Variants in PMF1 observed in about 807,000 individuals in gnomAD.
PMF1 encodes the protein polyamine modulated factor 1.
PMF1 carries 21 observed loss-of-function variants against 26.7 expected under a neutral mutation model. The ratio of observed to expected loss-of-function variants is 0.79; its 90% CI spans 0.56 to 1.13. The LOEUF is 1.13. PMF1 is among the 50% of genes most tolerant of loss of function. The pLI is 0.00. For missense variants in PMF1, 266 were observed against 254.9 expected, an observed-to-expected ratio of 1.04 and a Z score of -0.30; for synonymous variants, 105 against 101.0, an observed-to-expected ratio of 1.04 and a Z score of -0.24.
chr1:156,216,735 GCT>G (rs1558188520), intron 1 of PMF1, among the ~76,000 whole-genome samples: 2,207 of 152,022 alleles, frequency 0.015, 59 homozygotes, highest in African/African-American at 0.05. Flanking sequence ...CACCCCACTG[GCT>G]CCGTGCCGTG....
intron 1 of PMF1, among the ~76,000 whole-genome samples, chr1:156,220,019 A>C (rs1237666473): frequency 6.9e-6 from 1 of 145,070 alleles, no homozygotes; most frequent in Admixed American, 7.0e-5. Flanking sequence ...GCTGGAGTGC[A>C]GTGGCGCTGT....
intron 3 of PMF1, among the ~76,000 whole-genome samples, chr1:156,235,598 T>C (rs552946850): frequency 1.3e-5 from 2 of 151,214 alleles, no homozygotes; most frequent in East Asian, 3.9e-4. Flanking sequence ...CCCAACACCA[T>C]GCCCGGCTAA....
At chr1:156,225,043 G>T (rs1366362144) in intron 1 of PMF1, among the ~76,000 whole-genome samples, 1 of 151,914 alleles carries the variant, frequency 6.6e-6, no homozygotes, top group Non-Finnish European at 1.5e-5. Flanking sequence ...GGGATTACAG[G>T]CGCCTGCCAC....
At chr1:156,235,120 G>T (rs901890418) in intron 3 of PMF1, among the ~76,000 whole-genome samples, 2 of 128,718 alleles carry the variant, frequency 1.6e-5, no homozygotes, top group African/African-American at 7.1e-5. Flanking sequence ...AACTGAAAAA[G>T]AATTTTTTTT....
intron 1 of PMF1, among the ~76,000 whole-genome samples, chr1:156,223,152 G>A (rs1223878646): frequency 4.6e-5 from 7 of 152,204 alleles, no homozygotes; most frequent in Non-Finnish European, 1.0e-4. Context: ...AAACTGTGGT[G>A]TGTGGCTCCA....
rs181653872 is a variant in PMF1 at position 156,218,735 on chromosome 1, T to C, written c.161+5559T>C. On this transcript the variant is annotated intron_variant, in intron 1 of 4. Coordinates refer to ENST00000368277, the MANE Select transcript of PMF1 (RefSeq NM_007221.4). The stretch of plus-strand genomic sequence containing the variant: ...AGGCGGAGGTTGCAGTGAGCTGAGA[T>C]TGCGCCACTGCATTCCAGCCTGGGT... Among the ~76,000 whole-genome samples the C allele has an allele frequency of 8.0e-4, 121 of 151,902 alleles. 1 individual carries two copies. Among genetic ancestry groups the C allele is most frequent in the Non-Finnish European group, 1.0e-3 (69 of 67,958 alleles).
At chr1:156,229,353 C>T (rs547808940) in intron 1 of PMF1, among the ~76,000 whole-genome samples, 9 of 151,660 alleles carry the variant, frequency 5.9e-5, no homozygotes, top group African/African-American at 2.2e-4. Context: ...AAGAGAGCCC[C>T]GGTTTGCAGT....
intron 1 of PMF1, 83 bp from the exon 2 acceptor site, chr1:156,232,229 GTCCTGTAA>G (rs1658750190): frequency 9.1e-7 from 1 of 1,100,410 alleles, no homozygotes; most frequent in Non-Finnish European, 1.4e-6. Flanking sequence ...AGAGCTCAGA[GTCCTGTAA>G]TGCGAAGCGG....
At chr1:156,232,200 C>A in intron 1 of PMF1, 120 bp from the exon 2 acceptor site, 1 of 851,422 alleles carries the variant, frequency 1.2e-6, no homozygotes, top group Non-Finnish European at 1.9e-6. Context: ...CTGGCTTTAA[C>A]CAGGGCCATG....
At chr1:156,225,565 T>G (rs755821647) in intron 1 of PMF1, 3 of 1,547,580 alleles carry the variant, frequency 1.9e-6, no homozygotes, top group Non-Finnish European at 1.8e-6. Flanking sequence ...AGCTCTCCAC[T>G]CCTTCATTGG....
chr1:156,233,364 C>G (rs928305796), intron 2 of PMF1, among the ~76,000 whole-genome samples: 2 of 150,812 alleles, frequency 1.3e-5, no homozygotes, highest in African/African-American at 4.9e-5. Flanking sequence ...CACCGTGTTA[C>G]CAGGCTGGTC....
At chr1:156,227,279 G>A (rs1658419828) in intron 1 of PMF1, among the ~76,000 whole-genome samples, 1 of 151,824 alleles carries the variant, frequency 6.6e-6, no homozygotes, top group Non-Finnish European at 1.5e-5. Context: ...CGAGGTGGGT[G>A]GATCACCTGA....
In PMF1 at chr1:156,236,605, C is replaced by T. The variant is rs1243573951; in HGVS notation, c.564+122C>T. 10 of 1,315,864 alleles carry T rather than the reference C, an allele frequency of 7.6e-6. No homozygotes were observed. In the South Asian group the frequency reaches 1.3e-4, roughly 18 times the overall value. 81.5% of individuals were successfully genotyped at this position (1,315,864 alleles called of 1,614,324 possible). A position where few individuals can be genotyped will look rare whatever the true frequency, so the allele number is the denominator to read the frequency against. On this transcript the variant is annotated intron_variant, in intron 4 of 4. Transcript: ENST00000368277. ...CACAGGGGGTAGGAGAGCTTGCCCC[C>T]TGGGGAACAGTCATGAATTACCTCT...
chr1:156,238,220 GC>G (rs1659149628), intron 4 of PMF1, among the ~76,000 whole-genome samples: 5 of 152,194 alleles, frequency 3.3e-5, no homozygotes, highest in Non-Finnish European at 7.3e-5. Flanking sequence ...GATGCCTCCA[GC>G]TTTGTTCTTT....
chr1:156,213,057 G>C lies in PMF1; in HGVS notation c.42G>C (p.Glu14Asp). 1 of 1,614,172 alleles carries C rather than the reference G, an allele frequency of 6.2e-7. No individual in the cohort carries two copies. Among genetic ancestry groups the C allele is most frequent in the Middle Eastern group, 1.6e-4 (1 of 6,062 alleles). Residue 14 changes from glutamate to aspartate, a missense_variant, in exon 1 of 5, where the codon GAG becomes GAC. By Grantham distance (45) the Glu-to-Asp change is conservative. Coordinates refer to ENST00000368277, the MANE Select transcript of PMF1 (RefSeq NM_007221.4). ...GCGCCAATCTAGGCAGCGGCTGTGA[G>C]GAAAAAAGGCATGAGGGGTCGTCTT... The part of the protein sequence containing the change: ...ASSANLGSGC[E>D]EKRHEGSSSE...
At chr1:156,231,198 C>T (rs1158462315) in intron 1 of PMF1, among the ~76,000 whole-genome samples, 1 of 110,110 alleles carries the variant, frequency 9.1e-6, no homozygotes, top group Non-Finnish European at 1.7e-5. Context: ...GCCTGGGCGA[C>T]AGAGCAAGAC....
At chr1:156,235,543 G>A (rs565934979) in intron 3 of PMF1, among the ~76,000 whole-genome samples, 5 of 138,598 alleles carry the variant, frequency 3.6e-5, no homozygotes, top group Non-Finnish European at 4.5e-5. Flanking sequence ...CTGGGTTCAC[G>A]CCATTCTCCT....
In PMF1 at chr1:156,239,703, G is replaced by T; in HGVS notation, c.*102G>T. The T allele has an allele frequency of 1.1e-6, 1 of 917,082 alleles. No individual in the cohort carries two copies. The highest frequency in any genetic ancestry group is 1.8e-6 in the Non-Finnish European group (1 of 561,256). 56.8% of individuals were successfully genotyped at this position (917,082 alleles called of 1,614,324 possible). On this transcript the variant is annotated 3_prime_UTR_variant, in exon 5 of 5. Coordinates refer to ENST00000368277, the MANE Select transcript of PMF1 (RefSeq NM_007221.4). ...TACCTCTGAGAACGGCTGAAATGGT[G>T]CCCAGTCCATCAGCAGTGATGGAAT...
At chr1:156,232,281 C>T in intron 1 of PMF1, 39 bp from the exon 2 acceptor site, 1 of 1,600,582 alleles carries the variant, frequency 6.2e-7, no homozygotes, top group Non-Finnish European at 8.6e-7. Flanking sequence ...CGGCCTCATG[C>T]TTGGCCCTCC....
Sources: gnomAD v4.1 joint callset for allele counts (sites outside exome capture counted in the v4.1 genomes callset) on GRCh38, gnomAD v4.1.1 for gene constraint, MANE v1.5 for transcripts, NCBI Gene and HGNC (gene_info 2026-07-23, HGNC 2026-07-21) for gene names.